The following PITPNM3 variants were observed in gnomAD, a reference collection of about 807,000 sequenced individuals.
PITPNM3 encodes PITPNM family member 3, also known as membrane-associated phosphatidylinositol transfer protein 3.
In PITPNM3, 26 loss-of-function variants were observed where a neutral mutation model predicts 102.0. The observed-to-expected ratio is 0.25, with a 90% CI of 0.19 to 0.35. The LOEUF is 0.35. PITPNM3 is among the 10% of genes least tolerant of loss of function. The probability of loss-of-function intolerance (pLI) is 1.00; values close to 1 mark genes in which losing one functional copy is unlikely to be tolerated. For synonymous variants in PITPNM3, 578 were observed against 558.6 expected (o/e 1.03, Z -0.49); for missense variants, 1,083 against 1,346.1 (o/e 0.80, Z 3.06).
chr17:6,540,469 T>G (rs1465461630), intron 1 of PITPNM3, among the ~76,000 whole-genome samples: 1 of 151,516 alleles, frequency 6.6e-6, no homozygotes, highest in African/African-American at 2.4e-5. Context: ...AGAAAATGGT[T>G]GGGGAAACTC....
At chr17:6,508,089 C>CTGGGG (rs1907646576) in intron 3 of PITPNM3, among the ~76,000 whole-genome samples, 2 of 152,024 alleles carry the variant, frequency 1.3e-5, no homozygotes, top group African/African-American at 4.8e-5. Context: ...GCTGGGAATG[C>CTGGGG]AGAGTTCAGA....
At chr17:6,509,287 C>T (rs887063710) in intron 3 of PITPNM3, among the ~76,000 whole-genome samples, 5 of 152,194 alleles carry the variant, frequency 3.3e-5, no homozygotes, top group Admixed American at 1.3e-4. Context: ...TCCCCAAGTG[C>T]AAGAGAAGCA....
chr17:6,474,036 G>A (rs1905183722), intron 10 of PITPNM3, among the ~76,000 whole-genome samples: 1 of 151,628 alleles, frequency 6.6e-6, no homozygotes, highest in Admixed American at 6.6e-5. Context: ...CCTGAGGTGG[G>A]CTTGGGGATA....
chr17:6,533,232 G>C (rs1244192575), intron 2 of PITPNM3, among the ~76,000 whole-genome samples: 2 of 152,138 alleles, frequency 1.3e-5, no homozygotes, highest in African/African-American at 4.8e-5. Flanking sequence ...AAAGTGCTGG[G>C]ATTACAGGCA....
At chr17:6,507,541 G>A (rs999006270) in intron 3 of PITPNM3, among the ~76,000 whole-genome samples, 3 of 152,004 alleles carry the variant, frequency 2.0e-5, no homozygotes, top group African/African-American at 7.3e-5. Flanking sequence ...CCGAGATAGT[G>A]CCACTGCACT....
Position 6,455,499 on chromosome 17 carries a change from G to T in PITPNM3, c.2764C>A (p.His922Asn), listed in dbSNP as rs1214902356. 6.2e-7 allele frequency: 1 copy of T among 1,606,060 alleles called. No individual in the cohort carries two copies. ...AQPEFLRKRN[H>N]LRRTMSVQQP... ...TGCACTGACATGGTTCTGCGCAGGT[G>T]GTTGCGCTTCCGCAGGAACTCTGGC... Residue 922 changes from histidine (H) to asparagine (N), a missense_variant, in exon 20 of 20, where the codon CAC becomes AAC. This residue lies in a region of PITPNM3 where 208 missense variants were observed against 178.2 expected (regional missense o/e 1.17). Coordinates refer to ENST00000262483, the MANE Select transcript of PITPNM3 (RefSeq NM_031220.4).
chr17:6,539,127 C>CTTTG (rs760804096), intron 1 of PITPNM3, among the ~76,000 whole-genome samples: 4 of 152,180 alleles, frequency 2.6e-5, no homozygotes, highest in Non-Finnish European at 5.9e-5. Context: ...CATTCTGAGA[C>CTTTG]ATCAAAAGGA....
intron 1 of PITPNM3, among the ~76,000 whole-genome samples, chr17:6,548,870 C>T (rs576902967): frequency 1.6e-4 from 25 of 152,268 alleles, no homozygotes; most frequent in African/African-American, 5.3e-4. Flanking sequence ...CAGAGCCCAA[C>T]GCGTTTCTAT....
At chr17:6,482,929 A>G (rs2150736780) in intron 6 of PITPNM3, among the ~76,000 whole-genome samples, 1 of 151,484 alleles carries the variant, frequency 6.6e-6, no homozygotes, top group East Asian at 1.9e-4. Context: ...GAAACTAGCT[A>G]AACTCTCAAC....
chr17:6,477,883 G>A, intron 8 of PITPNM3, 92 bp downstream of exon 8: 2 of 1,584,452 alleles, frequency 1.3e-6, no homozygotes, highest in Non-Finnish European at 1.7e-6. Flanking sequence ...GGATGTCATG[G>A]TGCCAACGTG....
intron 9 of PITPNM3, among the ~76,000 whole-genome samples, chr17:6,475,908 C>T (rs775375964): frequency 1.2e-4 from 18 of 152,204 alleles, no homozygotes; most frequent in Non-Finnish European, 2.2e-4. Flanking sequence ...TTTAAATGTG[C>T]AGAGTCTTTG....
intron 4 of PITPNM3, among the ~76,000 whole-genome samples, chr17:6,493,927 G>A (rs996037419): frequency 6.6e-6 from 1 of 152,204 alleles, no homozygotes; most frequent in African/African-American, 2.4e-5. Flanking sequence ...ATCGGGCCCA[G>A]TGAAATTTCC....
intron 3 of PITPNM3, among the ~76,000 whole-genome samples, chr17:6,514,472 T>C (rs1418080053): frequency 1.3e-5 from 2 of 152,100 alleles, no homozygotes; most frequent in South Asian, 2.1e-4. Context: ...CCAAAGGAGA[T>C]AAACAAACGA....
At chr17:6,553,459 C>A (rs997614814) in intron 1 of PITPNM3, among the ~76,000 whole-genome samples, 2 of 152,242 alleles carry the variant, frequency 1.3e-5, no homozygotes, top group Non-Finnish European at 2.9e-5. Flanking sequence ...AGCTCTTGTC[C>A]GACACAAGCC....
At chr17:6,541,290 T>TGG (rs1446513230) in intron 1 of PITPNM3, among the ~76,000 whole-genome samples, 1 of 150,814 alleles carries the variant, frequency 6.6e-6, no homozygotes, top group African/African-American at 2.4e-5. Context: ...GCTAAGAGTG[T>TGG]GTGTGTGTGT....
chr17:6,455,205 T>C lies in PITPNM3; in HGVS notation c.*133A>G. 3 of 1,213,694 alleles carry C rather than the reference T, an allele frequency of 2.5e-6. No homozygotes were observed. Among genetic ancestry groups the C allele is most frequent in the Non-Finnish European group, 3.3e-6 (3 of 901,558 alleles). 75.2% of individuals were successfully genotyped at this position (1,213,694 alleles called of 1,614,324 possible). A position where few individuals can be genotyped will look rare whatever the true frequency, so the allele number is the denominator to read the frequency against. ...CGGGCAGGATCCCTCCCCGCTCTGG[T>C]CGGACACTGCTGGACAGACACGGGA... On this transcript the variant is annotated 3_prime_UTR_variant, in exon 20 of 20. Transcript: ENST00000262483.
At position 6,451,982 on chromosome 17, in the gene PITPNM3, T is replaced by G. The variant is rs1913870323; in HGVS notation, c.*3356A>C. 1 of 141,600 alleles carries G rather than the reference T, an allele frequency of 7.1e-6. No individual in the cohort carries two copies. Among genetic ancestry groups the G allele is most frequent in the Non-Finnish European group, 1.5e-5 (1 of 66,500 alleles). The allele number at this position is 141,600 out of a possible 1,614,324, so 8.8% of individuals were successfully genotyped here. A position where few individuals can be genotyped will look rare whatever the true frequency, so the allele number is the denominator to read the frequency against. ...CCTGGGCTAGGGGGGAGAGTGAGGA[T>G]GCAGAGGACCCACGTGCCTCATGAA... On this transcript the variant is annotated 3_prime_UTR_variant, in exon 20 of 20. Coordinates refer to ENST00000262483, the MANE Select transcript of PITPNM3 (RefSeq NM_031220.4).
intron 17 of PITPNM3, among the ~76,000 whole-genome samples, chr17:6,462,149 C>T (rs74381720): frequency 0.03 from 4,514 of 152,282 alleles, 90 homozygotes; most frequent in Non-Finnish European, 0.045. Flanking sequence ...TGAACTACCC[C>T]ACAAGGTTGT....
intron 8 of PITPNM3, 57 bp downstream of exon 8, chr17:6,477,918 G>A: frequency 6.2e-7 from 1 of 1,603,578 alleles, no homozygotes; most frequent in Non-Finnish European, 8.5e-7. Context: ...TCTCCCCGAG[G>A]GGCAGGCCCT....
Sources: gnomAD v4.1 joint callset for allele counts (sites outside exome capture counted in the v4.1 genomes callset) on GRCh38, gnomAD v4.1.1 for gene constraint, gnomAD v4.1.1 regional missense constraint, MANE v1.5 for transcripts, NCBI Gene and HGNC (gene_info 2026-07-23, HGNC 2026-07-21) for gene names.